Variants in HDC observed in about 807,000 individuals in gnomAD.
HDC encodes histidine decarboxylase.
A neutral mutation model predicts 64.4 loss-of-function variants in HDC; 27 were observed. That is an observed-to-expected ratio of 0.42 (90% CI 0.31 to 0.58). The LOEUF is 0.58. Ranked by LOEUF, HDC falls within the 20% of genes least tolerant of loss-of-function variation. HDC has a pLI of 0.16. For synonymous variants in HDC, 305 were observed against 314.2 expected (o/e 0.97, Z 0.31); for missense variants, 711 against 833.9 (o/e 0.85, Z 1.81).
Position 50,247,067 on chromosome 15 carries a change from A to AGT in HDC, c.1140+1176_1140+1177dup, listed in dbSNP as rs900368962. On this transcript the variant is annotated intron_variant, in intron 10 of 11. Transcript: ENST00000267845. The stretch of plus-strand genomic sequence containing the variant: ...GCAAACTGAGCTCGTGGAGACGCAC[A>AGT]GTAGAATGATGGTTGGCAGAGGCTG... 4.6e-5 allele frequency among the ~76,000 whole-genome samples: 7 copies of AGT among 152,362 alleles called. No homozygotes were observed. In the South Asian group the frequency reaches 8.3e-4, roughly 18 times the overall value.
chr15:50,250,464 G>A (rs938042794), intron 9 of HDC, among the ~76,000 whole-genome samples: 2 of 152,168 alleles, frequency 1.3e-5, no homozygotes, highest in African/African-American at 4.8e-5. Context: ...GCTGGGAAGA[G>A]TTTACTCTAA....
At chr15:50,246,226 A>T (rs2045480545) in intron 10 of HDC, among the ~76,000 whole-genome samples, 1 of 152,184 alleles carries the variant, frequency 6.6e-6, no homozygotes, top group South Asian at 2.1e-4. Context: ...GAAGAACTAG[A>T]ATTTATTTTT....
chr15:50,252,394 C>A lies in HDC; in HGVS notation c.1041+36G>T, dbSNP rs1438619850. The A allele has an allele frequency of 4.4e-6, 7 of 1,583,716 alleles. No homozygotes were observed. In the South Asian group the frequency reaches 6.6e-5, roughly 15 times the overall value. On this transcript the variant is annotated intron_variant, in intron 9 of 11. Coordinates refer to ENST00000267845, the MANE Select transcript of HDC (RefSeq NM_002112.4). ...GACGCCTACAGTTCCCACTGGCCAC[C>A]CGAGCCCACCAGGCTGCCCGTCCCT...
At chr15:50,246,579 A>C (rs1415735328) in intron 10 of HDC, among the ~76,000 whole-genome samples, 1 of 152,170 alleles carries the variant, frequency 6.6e-6, no homozygotes, top group Admixed American at 6.5e-5. Context: ...TGAAATGCCC[A>C]AGCTAAGGTA....
intron 2 of HDC, among the ~76,000 whole-genome samples, chr15:50,259,687 G>A (rs1387539856): frequency 3.9e-5 from 6 of 151,988 alleles, no homozygotes; most frequent in African/African-American, 7.3e-5. Context: ...TTTCCTCCTC[G>A]AACTCTCCCC....
At chr15:50,247,445 GGTTTGT>G (rs2045496766) in intron 10 of HDC, among the ~76,000 whole-genome samples, 1 of 151,996 alleles carries the variant, frequency 6.6e-6, no homozygotes, top group African/African-American at 2.4e-5. Context: ...ACTTCATTTT[GGTTTGT>G]GTTTGTTTAA....
At chr15:50,247,772 T>C (rs2045501676) in intron 10 of HDC, among the ~76,000 whole-genome samples, 1 of 152,232 alleles carries the variant, frequency 6.6e-6, no homozygotes, top group South Asian at 2.1e-4. Flanking sequence ...TGCCTGTTGA[T>C]GCAGGGAGGT....
In HDC at chr15:50,249,259, G is replaced by A. The variant is rs985241736; in HGVS notation, c.1042-916C>T. 1.4e-4 allele frequency among the ~76,000 whole-genome samples: 21 copies of A among 152,180 alleles called. 1 individual carries two copies. Among genetic ancestry groups the A allele is most frequent in the Non-Finnish European group, 7.3e-5 (5 of 68,032 alleles). ...AATTTCAGACTGATTTCTCAGATCTGAAAATAGAGCAGAGGATTTGGAAAA... is the reference window on the plus strand; with the variant it reads ...AATTTCAGACTGATTTCTCAGATCTAAAAATAGAGCAGAGGATTTGGAAAA... On this transcript the variant is annotated intron_variant, in intron 9 of 11. Transcript: ENST00000267845.
intron 9 of HDC, 60 bp downstream of exon 9, chr15:50,252,370 A>G: frequency 5.2e-6 from 7 of 1,346,456 alleles, no homozygotes; most frequent in Non-Finnish European, 7.5e-6. Flanking sequence ...GGGGGGTCAG[A>G]CGCCTACAGT....
chr15:50,264,433 G>A (rs1240996879), intron 1 of HDC, among the ~76,000 whole-genome samples: 1 of 151,846 alleles, frequency 6.6e-6, no homozygotes, highest in Non-Finnish European at 1.5e-5. Flanking sequence ...CAACACCTCA[G>A]TGCTTAGGAT....
In HDC at chr15:50,263,238, A is replaced by G. The variant is rs776800647; in HGVS notation, c.201T>C (p.Pro67=). 1 of 1,613,994 alleles carries G rather than the reference A, an allele frequency of 6.2e-7. No homozygotes were observed. The highest frequency in any genetic ancestry group is 8.5e-7 in the Non-Finnish European group (1 of 1,179,974). ...IFGDIERIIM[P]GVVHWQSPHM... is the part of the protein sequence containing the mutation. ...CCTTGTGGTCACTGTGTCTCACCCC[A>G]GGCATGATGATTCGTTCAATGTCCC... Residue 67 remains proline, a synonymous_variant, in exon 2 of 12, where the codon CCT becomes CCC. Transcript: ENST00000267845.
At chr15:50,251,831 CAG>C (rs1491056076) in intron 9 of HDC, among the ~76,000 whole-genome samples, 2 of 123,494 alleles carry the variant, frequency 1.6e-5, no homozygotes, top group African/African-American at 3.0e-5. Flanking sequence ...GACTCTGTCT[CAG>C]AAAAAAAAAA....
intron 2 of HDC, among the ~76,000 whole-genome samples, chr15:50,261,982 T>C (rs997787999): frequency 3.3e-5 from 5 of 152,158 alleles, no homozygotes; most frequent in African/African-American, 1.2e-4. Context: ...GTGCTGGGAT[T>C]ACAGGTGTGA....
chr15:50,263,573 A>G (rs867995995), intron 1 of HDC, 166 bp from the exon 2 acceptor site: 2 of 682,830 alleles, frequency 2.9e-6, no homozygotes, highest in East Asian at 2.8e-5. Flanking sequence ...AGGCTGAGGC[A>G]GGCGGATCAC....
rs774779143 is a variant in HDC, at chr15:50,242,312, C to T, written c.1937G>A (p.Ser646Asn). ...FYSVPSFPECSSQCGLQLPCC... is the reference protein window; with the variant it reads ...FYSVPSFPECNSQCGLQLPCC... ...GGGCAGCTGGAGTCCACATTGAGAG[C>T]TGCATTCAGGAAAGCTGGGGACGCT... The change falls in exon 12 of 12, where the codon AGC (serine) becomes AAC (asparagine). Residue 646 changes from serine to asparagine, a missense_variant. This residue lies in a region of HDC where 483 missense variants were observed against 540.9 expected (regional missense o/e 0.89). Coordinates refer to ENST00000267845, the MANE Select transcript of HDC (RefSeq NM_002112.4). 59 of 1,614,054 alleles carry T rather than the reference C, an allele frequency of 3.7e-5. No homozygotes were observed. The highest frequency in any genetic ancestry group is 4.7e-5 in the Non-Finnish European group (55 of 1,180,020).
chr15:50,242,770 T>G lies in HDC; in HGVS notation c.1479A>C (p.Gln493His). The G allele has an allele frequency of 1.9e-6, 3 of 1,613,854 alleles. No homozygotes were observed. Among genetic ancestry groups the G allele is most frequent in the Non-Finnish European group, 2.5e-6 (3 of 1,179,968 alleles). ...AGGCCCAGGCTCTGGCACCCCTGATTTGGGAGATGAGGTTCCCAACCCGAG... is the reference window on the plus strand; with the variant it reads ...AGGCCCAGGCTCTGGCACCCCTGATGTGGGAGATGAGGTTCCCAACCCGAG... ...PSPRVGNLIS[Q>H]IRGARAWACG... The change falls in exon 12 of 12, where the codon CAA (glutamine) becomes CAC (histidine). Residue 493 changes from glutamine (Q) to histidine (H), a missense_variant. By Grantham distance (24) the Gln-to-His change is conservative. Transcript: ENST00000267845.
At chr15:50,255,566 T>C (rs1272779440) in intron 4 of HDC, among the ~76,000 whole-genome samples, 2 of 152,118 alleles carry the variant, frequency 1.3e-5, no homozygotes, top group African/African-American at 2.4e-5. Flanking sequence ...CCCAGCACTT[T>C]GGGAGGATCC....
chr15:50,256,121 G>C (rs78654775), intron 4 of HDC, among the ~76,000 whole-genome samples: 1,804 of 152,224 alleles, frequency 0.012, 37 homozygotes, highest in African/African-American at 0.041. Context: ...AAAACATTGG[G>C]GAATGGTACT....
In HDC at chr15:50,248,060, T is replaced by C. The variant is rs940531046; in HGVS notation, c.1140+185A>G. ...CAGGCATCAGGCAGCCCTCAGGGCA[T>C]GTTGTGCTCAGCGCTCCTCTGGTTA... is the stretch of plus-strand genomic sequence containing the variant. On this transcript the variant is annotated intron_variant, in intron 10 of 11. Coordinates refer to ENST00000267845, the MANE Select transcript of HDC (RefSeq NM_002112.4). This position sits in a 1 kb window ranked among gnomAD's most constrained non-coding sequence, Gnocchi z 4.3. 2.0e-5 allele frequency among the ~76,000 whole-genome samples: 3 copies of C among 152,206 alleles called. No homozygotes were observed. The highest frequency in any genetic ancestry group is 7.2e-5 in the African/African-American group (3 of 41,446).
Sources: allele counts gnomAD v4.1 joint callset (sites outside exome capture counted in the v4.1 genomes callset), GRCh38; gene constraint gnomAD v4.1.1; regional missense constraint gnomAD v4.1.1; non-coding constraint Gnocchi (gnomAD v3.1); transcripts MANE v1.5; gene names NCBI Gene and HGNC (gene_info 2026-07-23, HGNC 2026-07-21).